Variants in VRK2 observed in about 807,000 individuals in gnomAD.
VRK2 encodes the protein VRK serine/threonine kinase 2.
VRK2 carries 60 observed loss-of-function variants against 57.6 expected under a neutral mutation model. The ratio of observed to expected loss-of-function variants is 1.04; its 90% CI spans 0.85 to 1.29. The LOEUF (loss-of-function observed/expected upper bound fraction) is 1.29, where lower values mean the gene tolerates loss of function less well. VRK2 is among the 50% of genes most tolerant of loss of function. The pLI is 0.00. For synonymous variants in VRK2, 231 were observed against 199.2 expected (o/e 1.16, Z -1.35); for missense variants, 705 against 588.1 (o/e 1.20, Z -2.06).
chr2:58,148,701 T>C (rs1011204335), intron 12 of VRK2, among the ~76,000 whole-genome samples: 4 of 151,732 alleles, frequency 2.6e-5, no homozygotes, highest in Admixed American at 2.0e-4. Flanking sequence ...TTCATGTGTA[T>C]TGTGTGAGGT....
Position 58,123,148 on chromosome 2 carries a change from G to T in VRK2, c.591G>T (p.Gly197=). 1 of 1,597,210 alleles carries T rather than the reference G, an allele frequency of 6.3e-7. No individual in the cohort carries two copies. The highest frequency in any genetic ancestry group is 8.5e-7 in the Non-Finnish European group (1 of 1,175,362). ...YGLSYRYCPN[G]NHKQYQENPR... The stretch of plus-strand genomic sequence containing the variant: ...TTTCCTACAGATATTGTCCCAATGG[G>T]AACCACAAACAGTATCAGGAAAATC... Residue 197 remains glycine (G), a synonymous_variant, in exon 8 of 13, where the codon GGG becomes GGT. Coordinates refer to ENST00000340157, the MANE Select transcript of VRK2 (RefSeq NM_006296.7).
intron 7 of VRK2, among the ~76,000 whole-genome samples, chr2:58,105,229 T>C (rs1282045203): frequency 6.6e-6 from 1 of 151,770 alleles, no homozygotes; most frequent in Non-Finnish European, 1.5e-5. Flanking sequence ...CTGAAAAACC[T>C]CTGCACAGCA....
chr2:57,911,644 T>C (rs947353115), intron 1 of VRK2, among the ~76,000 whole-genome samples: 4 of 152,182 alleles, frequency 2.6e-5, no homozygotes, highest in Non-Finnish European at 4.4e-5. Context: ...TAGATAAACT[T>C]GAAGGCATTA....
intron 2 of VRK2, among the ~76,000 whole-genome samples, chr2:58,056,124 A>T (rs1046869336): frequency 1.5e-4 from 23 of 151,456 alleles, no homozygotes; most frequent in Admixed American, 1.2e-3. Context: ...CTTCCTTCTG[A>T]TCACTTTAAT....
intron 6 of VRK2, among the ~76,000 whole-genome samples, chr2:58,088,888 A>G (rs2104215753): frequency 6.6e-6 from 1 of 152,340 alleles, no homozygotes; most frequent in South Asian, 2.1e-4. Context: ...AATAAAATAT[A>G]CTTTGCCAAA....
chr2:58,139,422 T>C (rs1681006257), intron 10 of VRK2, among the ~76,000 whole-genome samples: 1 of 152,128 alleles, frequency 6.6e-6, no homozygotes, highest in South Asian at 2.1e-4. Flanking sequence ...CAGTGAATTA[T>C]AAGCGTATCA....
At chr2:57,966,367 A>G (rs1348136652) in intron 1 of VRK2, among the ~76,000 whole-genome samples, 1 of 152,156 alleles carries the variant, frequency 6.6e-6, no homozygotes, top group Non-Finnish European at 1.5e-5. Context: ...GACCAGCTAC[A>G]TAATTTGTTC....
At chr2:58,091,465 TTTTAA>T (rs1672366899) in intron 7 of VRK2, among the ~76,000 whole-genome samples, 1 of 151,998 alleles carries the variant, frequency 6.6e-6, no homozygotes, top group Admixed American at 6.5e-5. Context: ...CAAACTGAAT[TTTTAA>T]TTTAACTTAA....
intron 1 of VRK2, among the ~76,000 whole-genome samples, chr2:57,968,212 T>C (rs1246313277): frequency 6.6e-6 from 1 of 151,860 alleles, no homozygotes; most frequent in African/African-American, 2.4e-5. Context: ...ACCTTTAGTA[T>C]GCTGAAGAAA....
In VRK2 at chr2:58,098,236, AG is replaced by A. The variant is rs1308574189; in HGVS notation, c.543+8514del. Among the ~76,000 whole-genome samples the A allele has an allele frequency of 3.3e-5, 5 of 152,182 alleles. No homozygotes were observed. The South Asian group carries it at 6.2e-4, about 19-fold the overall frequency. On this transcript the variant is annotated intron_variant, in intron 7 of 12. Coordinates refer to ENST00000340157, the MANE Select transcript of VRK2 (RefSeq NM_006296.7). ...AAGTGTTATGACAAAAGAGTCAAAA[AG>A]TTTTAAAAAAATAAATAGTTTATAA... is the stretch of plus-strand genomic sequence containing the variant.
At chr2:58,055,371 T>A (rs1255023150) in intron 2 of VRK2, among the ~76,000 whole-genome samples, 1 of 152,196 alleles carries the variant, frequency 6.6e-6, no homozygotes, top group Non-Finnish European at 1.5e-5. Flanking sequence ...TTTTTGTGCT[T>A]AAGGTTAAAG....
chr2:57,934,895 T>A (rs1171996644), intron 1 of VRK2, among the ~76,000 whole-genome samples: 1 of 152,244 alleles, frequency 6.6e-6, no homozygotes, highest in Non-Finnish European at 1.5e-5. Flanking sequence ...TTACATTCTT[T>A]ATCTCCAGAA....
chr2:58,104,839 AT>A (rs1674513502), intron 7 of VRK2, among the ~76,000 whole-genome samples: 1 of 152,010 alleles, frequency 6.6e-6, no homozygotes, highest in African/African-American at 2.4e-5. Context: ...CCAAAACAGC[AT>A]GGTTCTGGTA....
chr2:58,059,175 G>T (rs1166213082), intron 2 of VRK2, among the ~76,000 whole-genome samples: 1 of 151,942 alleles, frequency 6.6e-6, no homozygotes, highest in Admixed American at 6.6e-5. Flanking sequence ...TTAGGCACTG[G>T]AACAATTACA....
chr2:57,955,826 C>T (rs1671570090), intron 1 of VRK2, among the ~76,000 whole-genome samples: 1 of 151,992 alleles, frequency 6.6e-6, no homozygotes, highest in South Asian at 2.1e-4. Context: ...AGAAATATTA[C>T]GATCATAATT....
At chr2:58,009,526 A>C (rs190174920) in intron 1 of VRK2, among the ~76,000 whole-genome samples, 50 of 149,214 alleles carry the variant, frequency 3.4e-4, no homozygotes, top group Admixed American at 7.5e-4. Context: ...TGACAGATCT[A>C]GTATGTCTTC....
At chr2:58,100,858 ACTG>A (rs1397015971) in intron 7 of VRK2, among the ~76,000 whole-genome samples, 2 of 151,824 alleles carry the variant, frequency 1.3e-5, no homozygotes, top group Non-Finnish European at 3.0e-5. Context: ...ATGTGTTAAT[ACTG>A]CTATTTTACT....
At chr2:58,121,072 T>A (rs1677433163) in intron 7 of VRK2, among the ~76,000 whole-genome samples, 1 of 152,212 alleles carries the variant, frequency 6.6e-6, no homozygotes, top group South Asian at 2.1e-4. Flanking sequence ...AGAGTCAGAA[T>A]TGCCATAGAT....
chr2:58,085,677 C>A (rs1189001713), intron 4 of VRK2, among the ~76,000 whole-genome samples: 1 of 151,774 alleles, frequency 6.6e-6, no homozygotes, highest in Non-Finnish European at 1.5e-5. Context: ...ATAAAGTCTT[C>A]TAAACATTAA....
Sources: gnomAD v4.1 joint callset for allele counts (sites outside exome capture counted in the v4.1 genomes callset) on GRCh38, gnomAD v4.1.1 for gene constraint, MANE v1.5 for transcripts, NCBI Gene and HGNC (gene_info 2026-07-23, HGNC 2026-07-21) for gene names.